Variants in CDH12 observed in about 807,000 individuals in gnomAD.
CDH12 encodes cadherin-12.
Under a neutral mutation model 74.1 loss-of-function variants are expected in CDH12, and 41 were observed. That is an observed-to-expected ratio of 0.55 (90% confidence interval 0.43 to 0.72). CDH12 has a LOEUF of 0.72. Ranked by LOEUF, CDH12 falls within the 30% of genes least tolerant of loss-of-function variation. The pLI, the probability that CDH12 is intolerant of heterozygous loss-of-function variation, is 0.00. For missense variants in CDH12, 945 were observed against 977.2 expected (o/e 0.97, Z 0.44); for synonymous variants, 399 against 355.0 (o/e 1.12, Z -1.39).
At chr5:21,874,293 C>A (rs1040071503) in intron 6 of CDH12, among the ~76,000 whole-genome samples, 1 of 152,158 alleles carries the variant, frequency 6.6e-6, no homozygotes, top group Admixed American at 6.5e-5. Flanking sequence ...GATAATTAGA[C>A]AAATGCAAAT....
chr5:22,368,419 C>A (rs1741127219), intron 3 of CDH12, among the ~76,000 whole-genome samples: 1 of 151,638 alleles, frequency 6.6e-6, no homozygotes, highest in Admixed American at 6.6e-5. Context: ...TCAAGTCAGT[C>A]TCCCAAGTTG....
intron 4 of CDH12, among the ~76,000 whole-genome samples, chr5:22,118,385 G>T (rs1372515299): frequency 6.6e-6 from 1 of 151,960 alleles, no homozygotes; most frequent in Non-Finnish European, 1.5e-5. Context: ...AATATTCGTT[G>T]TTGTCGTCTC....
chr5:22,410,839 G>A (rs1743141164), intron 2 of CDH12, among the ~76,000 whole-genome samples: 1 of 152,076 alleles, frequency 6.6e-6, no homozygotes. Flanking sequence ...TGAGATAGAA[G>A]AGACATTCTA....
chr5:22,122,730 G>A (rs1418921975), intron 4 of CDH12, among the ~76,000 whole-genome samples: 19 of 152,240 alleles, frequency 1.2e-4, no homozygotes. Flanking sequence ...TGCAATGTGA[G>A]TGGCCATCGT....
intron 3 of CDH12, among the ~76,000 whole-genome samples, chr5:22,401,574 G>T (rs1363941309): frequency 1.3e-5 from 2 of 151,992 alleles, no homozygotes; most frequent in East Asian, 3.9e-4. Flanking sequence ...ATTTATTGAG[G>T]TATATTGCAG....
intron 1 of CDH12, among the ~76,000 whole-genome samples, chr5:22,598,981 C>T (rs1476476368): frequency 6.6e-6 from 1 of 152,154 alleles, no homozygotes; most frequent in Non-Finnish European, 1.5e-5. Flanking sequence ...TTACCTCCTG[C>T]ATGCTGGATC....
chr5:22,416,821 G>C (rs955575058), intron 2 of CDH12, among the ~76,000 whole-genome samples: 1 of 152,128 alleles, frequency 6.6e-6, no homozygotes, highest in Non-Finnish European at 1.5e-5. Context: ...AATTGAAAGA[G>C]ACTAAGTTTA....
chr5:22,561,765 A>T (rs1481930793), intron 1 of CDH12, among the ~76,000 whole-genome samples: 3 of 152,208 alleles, frequency 2.0e-5, no homozygotes, highest in African/African-American at 7.2e-5. Context: ...AGAGTGCAAA[A>T]TTTCAAGTTA....
At chr5:22,770,719 T>C (rs564567273) in intron 1 of CDH12, among the ~76,000 whole-genome samples, 31 of 152,278 alleles carry the variant, frequency 2.0e-4, no homozygotes, top group Admixed American at 1.9e-3. Flanking sequence ...TATTATCCCA[T>C]TTAACTATAT....
At chr5:22,845,943 A>G (rs547101494) in intron 1 of CDH12, among the ~76,000 whole-genome samples, 1 of 152,264 alleles carries the variant, frequency 6.6e-6, no homozygotes, top group African/African-American at 2.4e-5. Context: ...ATGTGAGACA[A>G]TAGTGTCTGG....
At chr5:22,128,698 C>T (rs187755922) in intron 4 of CDH12, among the ~76,000 whole-genome samples, 2 of 152,054 alleles carry the variant, frequency 1.3e-5, no homozygotes, top group East Asian at 3.9e-4. Context: ...AGAATTTTTC[C>T]CACTTCTTCT....
chr5:21,880,671 CTTTCTTTCTTTCT>C (rs1752291971), intron 6 of CDH12, among the ~76,000 whole-genome samples: 1 of 120,216 alleles, frequency 8.3e-6, no homozygotes, highest in African/African-American at 3.0e-5. Context: ...TTCTTTCTTT[CTTTCTTTCTTTCT>C]TTCTTTCTCT....
intron 1 of CDH12, among the ~76,000 whole-genome samples, chr5:22,759,434 C>T (rs1332805773): frequency 6.6e-6 from 1 of 152,068 alleles, no homozygotes; most frequent in Non-Finnish European, 1.5e-5. Flanking sequence ...TAGCTGCTTT[C>T]TTTAGGAAAT....
chr5:22,737,534 A>G (rs1744796509), intron 1 of CDH12, among the ~76,000 whole-genome samples: 1 of 152,032 alleles, frequency 6.6e-6, no homozygotes, highest in Non-Finnish European at 1.5e-5. Context: ...AAAATAGTTA[A>G]TAAGACTTAG....
intron 3 of CDH12, among the ~76,000 whole-genome samples, chr5:22,308,030 G>A (rs183619890): frequency 9.8e-4 from 148 of 150,976 alleles, no homozygotes; most frequent in African/African-American, 2.7e-3. Context: ...ACAGGCGCCC[G>A]CCACCACGCC....
At chr5:22,834,940 G>T (rs1461378975) in intron 1 of CDH12, among the ~76,000 whole-genome samples, 1 of 151,908 alleles carries the variant, frequency 6.6e-6, no homozygotes, top group Non-Finnish European at 1.5e-5. Context: ...ATCAAAAGAG[G>T]GGGAGATAAA....
At chr5:22,324,974 C>T (rs1451769531) in intron 3 of CDH12, among the ~76,000 whole-genome samples, 1 of 152,014 alleles carries the variant, frequency 6.6e-6, no homozygotes. Flanking sequence ...CTTAAAATAC[C>T]CTATACCTAT....
At chr5:22,525,642 T>C (rs1279998516) in intron 1 of CDH12, among the ~76,000 whole-genome samples, 1 of 152,190 alleles carries the variant, frequency 6.6e-6, no homozygotes, top group East Asian at 1.9e-4. Context: ...ACACCTCATT[T>C]CCAATTTTTC....
intron 14 of CDH12, among the ~76,000 whole-genome samples, chr5:21,753,454 C>A (rs116197408): frequency 0.015 from 2,271 of 152,156 alleles, 23 homozygotes; most frequent in Non-Finnish European, 0.023. Flanking sequence ...TGGAGCAGCC[C>A]CATACATAAA....
Sources: allele counts gnomAD v4.1 joint callset (sites outside exome capture counted in the v4.1 genomes callset), GRCh38; gene constraint gnomAD v4.1.1; transcripts MANE v1.5; gene names NCBI Gene and HGNC (gene_info 2026-07-23, HGNC 2026-07-21).